The following WDR49 variants were observed in gnomAD, a reference collection of about 807,000 sequenced individuals.
WDR49 encodes the protein cilia- and flagella-associated protein 337.
A neutral mutation model predicts 119.5 loss-of-function variants in WDR49; 107 were observed. That is an observed-to-expected ratio of 0.90 (90% CI 0.77 to 1.05). The LOEUF is 1.05. WDR49 is among the 50% of genes least tolerant of loss of function. WDR49 has a pLI of 0.00. For missense variants in WDR49, 1,240 were observed against 1,220.5 expected (o/e 1.02, Z -0.24); for synonymous variants, 425 against 418.8 (o/e 1.01, Z -0.18).
Position 167,653,691 on chromosome 3 carries a change from T to G in WDR49, c.-75+143A>C, listed in dbSNP as rs538009641. 1.2e-3 allele frequency: 378 copies of G among 304,164 alleles called. 3 individuals carry two copies. Among genetic ancestry groups the G allele is most frequent in the African/African-American group, 7.9e-3 (364 of 45,894 alleles). The allele number at this position is 304,164 out of a possible 1,614,324, so 18.8% of individuals were successfully genotyped here. A position where few individuals can be genotyped will look rare whatever the true frequency, so the allele number is the denominator to read the frequency against. Reference sequence around the variant, plus strand: ...GCTTTTAAAATGGTATTTTTACCCCTTCCTTATACTCTGTTTAACCTGGCT... The same window carrying G: ...GCTTTTAAAATGGTATTTTTACCCCGTCCTTATACTCTGTTTAACCTGGCT... On this transcript the variant is annotated intron_variant, in intron 1 of 18. Transcript: ENST00000682715.
In WDR49 at chr3:167,487,732, G is replaced by A. The variant is rs140986093; in HGVS notation, c.3032-8736C>T. ...ATGGGCAAAGAACATGAATGGACACGTCCCAAAAGAAGACATACAAGTGGC... is the reference window on the plus strand; with the variant it reads ...ATGGGCAAAGAACATGAATGGACACATCCCAAAAGAAGACATACAAGTGGC... On this transcript the variant is annotated intron_variant, in intron 18 of 18. Transcript: ENST00000682715. Among the ~76,000 whole-genome samples the A allele has an allele frequency of 2.1e-4, 32 of 151,894 alleles. No individual in the cohort carries two copies. The East Asian group carries it at 4.1e-3, about 19-fold the overall frequency.
At position 167,602,293 on chromosome 3, in the gene WDR49, G is replaced by GA. The variant is rs201408126; in HGVS notation, c.1127-19dup. On this transcript the variant is annotated intron_variant, in intron 6 of 18. Coordinates refer to ENST00000682715, the MANE Select transcript of WDR49 (RefSeq NM_001366157.1). ...AGCAGTTGCTAATCAGAATTAGAAA[G>GA]AAAAAAAATGTTTTTAATAGCATGA... 923 of 1,540,424 alleles carry GA rather than the reference G, an allele frequency of 6.0e-4. 7 individuals are homozygous for GA. The African/African-American group carries it at 0.01, about 17-fold the overall frequency.
chr3:167,521,987 TAG>T (rs1491509193), intron 16 of WDR49, among the ~76,000 whole-genome samples: 51 of 136,840 alleles, frequency 3.7e-4, no homozygotes, highest in Admixed American at 1.7e-3. Flanking sequence ...GATAGATAGA[TAG>T]ATAGATAGAT....
chr3:167,526,444 C>T (rs1448290592), intron 15 of WDR49, among the ~76,000 whole-genome samples: 1 of 152,120 alleles, frequency 6.6e-6, no homozygotes, highest in Non-Finnish European at 1.5e-5. Context: ...CTCATCTTGC[C>T]ACAGCCTCTG....
At chr3:167,495,262 A>G (rs1222543736) in intron 18 of WDR49, among the ~76,000 whole-genome samples, 1 of 152,046 alleles carries the variant, frequency 6.6e-6, no homozygotes, top group East Asian at 1.9e-4. Flanking sequence ...ACAGAGGGAA[A>G]AGATGAACAA....
rs529240523 is a variant in WDR49 at position 167,506,624 on chromosome 3, A to G, written c.2775-1208T>C. 1.2e-4 allele frequency among the ~76,000 whole-genome samples: 19 copies of G among 152,298 alleles called. 1 individual carries two copies. Among genetic ancestry groups the G allele is most frequent in the Admixed American group, 1.2e-3 (19 of 15,284 alleles). On this transcript the variant is annotated intron_variant, in intron 16 of 18. Transcript: ENST00000682715. ...TTAGTAGAGCTCCAGTATATCCCTC[A>G]GCCAATTTTCCCTATTATAACATCT...
intron 5 of WDR49, among the ~76,000 whole-genome samples, chr3:167,605,900 T>C (rs1315570829): frequency 6.6e-6 from 1 of 152,216 alleles, no homozygotes; most frequent in Non-Finnish European, 1.5e-5. Context: ...TTTGGTGTCA[T>C]GACATGCAAT....
At chr3:167,592,421 ATTTC>A (rs1187517012) in intron 7 of WDR49, among the ~76,000 whole-genome samples, 2 of 146,868 alleles carry the variant, frequency 1.4e-5, no homozygotes, top group Non-Finnish European at 3.0e-5. Context: ...CCGTTAGATG[ATTTC>A]TTTTTCTTTT....
upstream of WDR49, among the ~76,000 whole-genome samples, chr3:167,655,969 C>T (rs1718594313): frequency 6.6e-6 from 1 of 151,978 alleles, no homozygotes; most frequent in African/African-American, 2.4e-5. Context: ...TGAATTGTGA[C>T]CTGGTGCCTG....
At chr3:167,599,109 G>A (rs546843657) in intron 7 of WDR49, among the ~76,000 whole-genome samples, 15 of 152,226 alleles carry the variant, frequency 9.9e-5, no homozygotes, top group African/African-American at 2.6e-4. Context: ...GTTTTCCCAC[G>A]GCTCTGGGGC....
At chr3:167,651,060 A>G (rs937643686) in intron 2 of WDR49, among the ~76,000 whole-genome samples, 1 of 152,200 alleles carries the variant, frequency 6.6e-6, no homozygotes, top group Non-Finnish European at 1.5e-5. Flanking sequence ...CCTAAATGTT[A>G]CTACTACGAT....
intron 9 of WDR49, among the ~76,000 whole-genome samples, chr3:167,558,089 AAAAC>A (rs1577238780): frequency 6.6e-6 from 1 of 152,154 alleles, no homozygotes; most frequent in South Asian, 2.1e-4. Context: ...CCTGTCTCTA[AAAAC>A]AAACAAACAA....
chr3:167,569,159 G>T (rs1173702734), intron 8 of WDR49, among the ~76,000 whole-genome samples: 1 of 152,064 alleles, frequency 6.6e-6, no homozygotes, highest in Non-Finnish European at 1.5e-5. Context: ...GGCCAGGCTG[G>T]TCTTGAACTC....
chr3:167,491,043 A>G (rs1339335359), intron 18 of WDR49, among the ~76,000 whole-genome samples: 1 of 152,036 alleles, frequency 6.6e-6, no homozygotes, highest in African/African-American at 2.4e-5. Flanking sequence ...ATCCCTATAC[A>G]GACTTTTGGT....
intron 2 of WDR49, among the ~76,000 whole-genome samples, chr3:167,652,460 T>C (rs1461192250): frequency 6.6e-6 from 1 of 152,182 alleles, no homozygotes; most frequent in Non-Finnish European, 1.5e-5. Flanking sequence ...CATACTTTAG[T>C]AAACATAATA....
chr3:167,645,563 GA>G (rs1227135273), intron 2 of WDR49, among the ~76,000 whole-genome samples: 1 of 152,090 alleles, frequency 6.6e-6, no homozygotes, highest in African/African-American at 2.4e-5. Flanking sequence ...AAAAATAAAT[GA>G]AATTTTATAT....
chr3:167,647,983 G>A (rs1489538662), intron 2 of WDR49, among the ~76,000 whole-genome samples: 1 of 152,118 alleles, frequency 6.6e-6, no homozygotes, highest in Non-Finnish European at 1.5e-5. Context: ...ATTTTGTTTA[G>A]GAAATCTTTA....
In WDR49 at chr3:167,534,419, A is replaced by T. The variant is rs553649671; in HGVS notation, c.1955-1442T>A. Among the ~76,000 whole-genome samples, 14 of 152,170 alleles carry T rather than the reference A, an allele frequency of 9.2e-5. No homozygotes were observed. The East Asian group carries it at 2.3e-3, about 25-fold the overall frequency. ...ATACTTTCACAATAACAACCACACC[A>T]TTTTACACTTCAGTGCCCATCACAT... On this transcript the variant is annotated intron_variant, in intron 11 of 18. Transcript: ENST00000682715.
intron 16 of WDR49, among the ~76,000 whole-genome samples, chr3:167,517,871 C>T (rs926569165): frequency 1.3e-5 from 2 of 152,012 alleles, no homozygotes; most frequent in African/African-American, 4.8e-5. Context: ...TCTCCTAATG[C>T]TATCCCTCCA....
Sources: gnomAD v4.1 joint callset for allele counts (sites outside exome capture counted in the v4.1 genomes callset) on GRCh38, gnomAD v4.1.1 for gene constraint, MANE v1.5 for transcripts, NCBI Gene and HGNC (gene_info 2026-07-23, HGNC 2026-07-21) for gene names.